ARHGEF10: variants seen among roughly 807,000 people sequenced by gnomAD.
ARHGEF10 encodes the protein Rho guanine nucleotide exchange factor (GEF) 10.
A neutral mutation model predicts 147.4 loss-of-function variants in ARHGEF10; 140 were observed. The observed-to-expected ratio is 0.95, with a 90% CI of 0.83 to 1.09. The LOEUF (loss-of-function observed/expected upper bound fraction) is 1.09, where lower values mean the gene tolerates loss of function less well. ARHGEF10 is among the 50% of genes least tolerant of loss of function. ARHGEF10 has a pLI of 0.00. For synonymous variants in ARHGEF10, 902 were observed against 695.8 expected (o/e 1.30, Z -4.67); for missense variants, 2,222 against 1,752.7 (o/e 1.27, Z -4.78).
At chr8:1,956,598 C>A in intron 28 of ARHGEF10, 151 bp from the exon 29 acceptor site, 1 of 738,800 alleles carries the variant, frequency 1.4e-6, no homozygotes, top group Non-Finnish European at 2.3e-6. Context: ...ATATTTTCAT[C>A]GTAGCTTATT....
intron 25 of ARHGEF10, among the ~76,000 whole-genome samples, chr8:1,929,784 G>C (rs558037546): frequency 1.1e-4 from 16 of 152,270 alleles, no homozygotes; most frequent in African/African-American, 3.9e-4. Flanking sequence ...CTGCCCGCCC[G>C]GCGGGGCCTC....
intron 9 of ARHGEF10, among the ~76,000 whole-genome samples, chr8:1,881,551 A>C (rs1343909933): frequency 6.7e-6 from 1 of 149,392 alleles, no homozygotes. Context: ...TGGGAGATGC[A>C]GGAGCAGGGG....
At position 1,894,437 on chromosome 8, in the gene ARHGEF10, T is replaced by C; in HGVS notation, c.1305T>C (p.Ser435=). 6.2e-7 allele frequency: 1 copy of C among 1,614,090 alleles called. No individual in the cohort carries two copies. ...CTGAGATGGAGCCAAAGGTTCTGAG[T>C]GAGAGGAAGCTGAAGACGGTGTTCT... ...PLSEMEPKVL[S]ERKLKTVFYR... Residue 435 remains serine, a synonymous_variant, in exon 13 of 29, where the codon AGT becomes AGC. Coordinates refer to ENST00000349830, the MANE Select transcript of ARHGEF10 (RefSeq NM_014629.4).
intron 2 of ARHGEF10, among the ~76,000 whole-genome samples, chr8:1,843,801 C>G (rs537917850): frequency 6.6e-6 from 1 of 152,220 alleles, no homozygotes; most frequent in South Asian, 2.1e-4. Context: ...GCTTAAAGCT[C>G]AGCTCGCCCA....
At chr8:1,904,426 C>G (rs1414510408) in intron 16 of ARHGEF10, 2 of 152,232 alleles carry the variant, frequency 1.3e-5, no homozygotes, top group Non-Finnish European at 2.9e-5. Context: ...GTTACAATGA[C>G]ATTCAGTAAT....
chr8:1,897,626 A>G (rs116546463), intron 14 of ARHGEF10, among the ~76,000 whole-genome samples: 1,860 of 151,140 alleles, frequency 0.012, 95 homozygotes, highest in African/African-American at 0.042. Context: ...GTCCTAAGGC[A>G]TCGGATTGCA....
At chr8:1,909,213 C>G in intron 17 of ARHGEF10, 82 bp from the exon 18 acceptor site, 2 of 1,582,658 alleles carry the variant, frequency 1.3e-6, no homozygotes, top group Non-Finnish European at 8.7e-7. Context: ...GGAAGTTTCT[C>G]ACTTGAACAT....
At chr8:1,906,760 G>A (rs781189483) in intron 17 of ARHGEF10, among the ~76,000 whole-genome samples, 3 of 152,194 alleles carry the variant, frequency 2.0e-5, no homozygotes, top group Non-Finnish European at 4.4e-5. Context: ...ACGCTCTTGC[G>A]GGTCTCTTCA....
intron 18 of ARHGEF10, among the ~76,000 whole-genome samples, chr8:1,910,378 A>T (rs915564082): frequency 1.3e-5 from 2 of 152,114 alleles, no homozygotes; most frequent in Admixed American, 6.6e-5. Context: ...GACCGCTTTT[A>T]TTTTTCTCAT....
At chr8:1,872,012 G>C (rs1807169033) in intron 7 of ARHGEF10, among the ~76,000 whole-genome samples, 1 of 151,874 alleles carries the variant, frequency 6.6e-6, no homozygotes, top group Non-Finnish European at 1.5e-5. Flanking sequence ...TACAAAAATA[G>C]ACAAGCCTCT....
At position 1,952,689 on chromosome 8, in the gene ARHGEF10, A is replaced by C; in HGVS notation, c.3398-16A>C. ...ACACAAACCAGACCCGAAGCCACTC[A>C]TGTCTTTCCGCCCAGGGCACCAGCG... On this transcript the variant is annotated splice_polypyrimidine_tract_variant and intron_variant, in intron 27 of 28. Transcript: ENST00000349830. 1.2e-6 allele frequency: 2 copies of C among 1,613,242 alleles called. No individual in the cohort carries two copies.
intron 18 of ARHGEF10, among the ~76,000 whole-genome samples, chr8:1,915,598 ACATGCGTGGCTCTGTTCTC>A (rs1811701086): frequency 6.6e-6 from 1 of 152,250 alleles, no homozygotes; most frequent in Non-Finnish European, 1.5e-5. Flanking sequence ...TGGCGATGCC[ACATGCGTGGCTCTGTTCTC>A]CATGCAGGTG....
intron 21 of ARHGEF10, among the ~76,000 whole-genome samples, chr8:1,924,464 T>C (rs1812536009): frequency 1.3e-5 from 2 of 152,218 alleles, no homozygotes; most frequent in South Asian, 2.1e-4. Flanking sequence ...CAGAACACAC[T>C]GGGATGTCAT....
intron 2 of ARHGEF10, among the ~76,000 whole-genome samples, chr8:1,848,145 T>C (rs1804699100): frequency 6.6e-6 from 1 of 152,246 alleles, no homozygotes; most frequent in Non-Finnish European, 1.5e-5. Flanking sequence ...ATTGAAGTGT[T>C]CTATGCGTCT....
intron 26 of ARHGEF10, among the ~76,000 whole-genome samples, chr8:1,941,120 G>A (rs1814057984): frequency 6.6e-6 from 1 of 152,208 alleles, no homozygotes; most frequent in African/African-American, 2.4e-5. Context: ...ATCTGCCAGA[G>A]CAATTAGACA....
intron 9 of ARHGEF10, 23 bp from the exon 10 acceptor site, chr8:1,882,612 T>TCACATCTCCCTCTC (rs1464969411): frequency 6.5e-7 from 1 of 1,547,308 alleles, no homozygotes; most frequent in Admixed American, 2.0e-5. Context: ...CGTCCCGTTC[T>TCACATCTCCCTCTC]CACATCTCCC....
intron 26 of ARHGEF10, among the ~76,000 whole-genome samples, chr8:1,943,357 G>C (rs1450590915): frequency 6.6e-6 from 1 of 152,218 alleles, no homozygotes; most frequent in African/African-American, 2.4e-5. Context: ...AGTGCCGCGA[G>C]GAGGCCAGAT....
intron 1 of ARHGEF10, among the ~76,000 whole-genome samples, chr8:1,824,318 C>T (rs1802603502): frequency 6.6e-6 from 1 of 151,968 alleles, no homozygotes; most frequent in Non-Finnish European, 1.5e-5. Flanking sequence ...CCCGGCCCCT[C>T]AGGATAACGG....
At chr8:1,891,502 C>G (rs911372978) in intron 11 of ARHGEF10, among the ~76,000 whole-genome samples, 22 of 152,120 alleles carry the variant, frequency 1.4e-4, no homozygotes, top group African/African-American at 5.1e-4. Flanking sequence ...GGATCCTGTC[C>G]CGTCCCCATT....
Sources: gnomAD v4.1 joint callset for allele counts (sites outside exome capture counted in the v4.1 genomes callset) on GRCh38, gnomAD v4.1.1 for gene constraint, MANE v1.5 for transcripts, NCBI Gene and HGNC (gene_info 2026-07-23, HGNC 2026-07-21) for gene names.